COG5: variants seen among roughly 807,000 people sequenced by gnomAD.
COG5 encodes component of oligomeric golgi complex 5.
Under a neutral mutation model 110.4 loss-of-function variants are expected in COG5, and 86 were observed. The ratio of observed to expected loss-of-function variants is 0.78; its 90% CI spans 0.65 to 0.93. COG5 has a LOEUF of 0.93. COG5 is among the 40% of genes least tolerant of loss of function. COG5 has a pLI of 0.00. For synonymous variants in COG5, 360 were observed against 334.6 expected (o/e 1.08, Z -0.83); for missense variants, 1,077 against 987.0 (o/e 1.09, Z -1.22).
chr7:107,424,960 T>A (rs941027193), intron 6 of COG5, among the ~76,000 whole-genome samples: 1 of 152,122 alleles, frequency 6.6e-6, no homozygotes, highest in Non-Finnish European at 1.5e-5. Context: ...CTTAAGGGAA[T>A]CCTAGGGTAA....
intron 8 of COG5, among the ~76,000 whole-genome samples, chr7:107,365,067 T>C (rs1813479906): frequency 6.6e-6 from 1 of 152,120 alleles, no homozygotes; most frequent in African/African-American, 2.4e-5. Context: ...TCCTGGAATA[T>C]GTATGACTTG....
At chr7:107,485,054 T>C (rs778987767) in intron 6 of COG5, among the ~76,000 whole-genome samples, 1 of 152,198 alleles carries the variant, frequency 6.6e-6, no homozygotes, top group Non-Finnish European at 1.5e-5. Flanking sequence ...AAATGGAGCA[T>C]GGACTGATAA....
intron 12 of COG5, among the ~76,000 whole-genome samples, chr7:107,290,005 T>C (rs1056710804): frequency 2.6e-5 from 4 of 152,200 alleles, no homozygotes; most frequent in African/African-American, 9.6e-5. Context: ...TCCCTCACCC[T>C]GATCCTGTAA....
At chr7:107,554,405 T>G in intron 2 of COG5, 63 bp from the exon 3 acceptor site, 1 of 1,356,800 alleles carries the variant, frequency 7.4e-7, no homozygotes, top group Non-Finnish European at 1.1e-6. Flanking sequence ...GTAACCACAA[T>G]GTAGAATGGA....
chr7:107,509,912 A>C (rs1241749333), intron 6 of COG5, among the ~76,000 whole-genome samples: 5 of 152,222 alleles, frequency 3.3e-5, no homozygotes, highest in Non-Finnish European at 7.3e-5. Flanking sequence ...CTAAACATGG[A>C]AAGGAACAAC....
chr7:107,489,606 C>A (rs1315489025), intron 6 of COG5, among the ~76,000 whole-genome samples: 2 of 152,102 alleles, frequency 1.3e-5, no homozygotes, highest in Non-Finnish European at 2.9e-5. Context: ...AGAAAAAAAT[C>A]TATGTTTAGT....
chr7:107,407,336 C>T (rs888951028), intron 7 of COG5, among the ~76,000 whole-genome samples: 1 of 152,126 alleles, frequency 6.6e-6, no homozygotes, highest in Non-Finnish European at 1.5e-5. Flanking sequence ...GAGCCGAGAT[C>T]GTGCCGCTGC....
intron 6 of COG5, among the ~76,000 whole-genome samples, chr7:107,415,798 ATGTG>A (rs753867030): frequency 9.8e-6 from 1 of 102,050 alleles, no homozygotes; most frequent in Non-Finnish European, 1.9e-5. Context: ...GTATGTATGT[ATGTG>A]TGTATATATA....
chr7:107,482,392 C>T (rs770736192), intron 6 of COG5, among the ~76,000 whole-genome samples: 5 of 151,970 alleles, frequency 3.3e-5, no homozygotes, highest in African/African-American at 4.8e-5. Context: ...GCAATCCTCC[C>T]GCCTTGGCCT....
chr7:107,372,362 T>C (rs536615020), intron 8 of COG5, among the ~76,000 whole-genome samples: 2 of 152,326 alleles, frequency 1.3e-5, no homozygotes, highest in East Asian at 1.9e-4. Flanking sequence ...CAAATGACGC[T>C]ACAGTTTATG....
chr7:107,247,582 A>G (rs1473997675), intron 17 of COG5, among the ~76,000 whole-genome samples: 1 of 152,208 alleles, frequency 6.6e-6, no homozygotes, highest in Non-Finnish European at 1.5e-5. Flanking sequence ...ACATATCTAC[A>G]TATTAATATT....
chr7:107,406,702 T>C lies in COG5; in HGVS notation c.669+5800A>G, dbSNP rs551381287. Among the ~76,000 whole-genome samples, 5 of 152,308 alleles carry C rather than the reference T, an allele frequency of 3.3e-5. No homozygotes were observed. The South Asian group carries it at 8.3e-4, about 25-fold the overall frequency. The stretch of plus-strand genomic sequence containing the variant: ...GACATGTTAAATTTATCCAACCCTA[T>C]TGAAGATAATATTTTGGTTTCAAAA... On this transcript the variant is annotated intron_variant, in intron 7 of 21. Transcript: ENST00000297135.
Position 107,314,582 on chromosome 7 carries a change from C to CAAA in COG5, c.1108+9855_1108+9857dup, listed in dbSNP as rs764317288. Among the ~76,000 whole-genome samples the CAAA allele has an allele frequency of 7.9e-3, 421 of 52,972 alleles. 4 individuals carry two copies. The highest frequency in any genetic ancestry group is 0.019 in the Middle Eastern group (2 of 108). 34.8% of individuals were successfully genotyped at this position (52,972 alleles called of 152,430 possible). A position where few individuals can be genotyped will look rare whatever the true frequency, so the allele number is the denominator to read the frequency against. Reference sequence around the variant, plus strand: ...ACACGGTGAAACCCCATCTCTACTACAAAAAAAAAAAAAAAAAAAAAGCCA... The same window carrying CAAA: ...ACACGGTGAAACCCCATCTCTACTACAAAAAAAAAAAAAAAAAAAAAAAAGCCA... On this transcript the variant is annotated intron_variant, in intron 11 of 21. Coordinates refer to ENST00000297135, the MANE Select transcript of COG5 (RefSeq NM_006348.5).
intron 5 of COG5, among the ~76,000 whole-genome samples, chr7:107,541,023 T>TG (rs1432556774): frequency 1.3e-5 from 2 of 151,820 alleles, no homozygotes; most frequent in Non-Finnish European, 2.9e-5. Context: ...TTGTGGCACA[T>TG]GCCTGTAATC....
At chr7:107,469,592 C>T (rs1163735447) in intron 6 of COG5, among the ~76,000 whole-genome samples, 2 of 152,090 alleles carry the variant, frequency 1.3e-5, no homozygotes, top group East Asian at 1.9e-4. Flanking sequence ...GAGAAGATGA[C>T]TTGAATACAA....
At chr7:107,430,912 G>A (rs1793984355) in intron 6 of COG5, among the ~76,000 whole-genome samples, 1 of 152,034 alleles carries the variant, frequency 6.6e-6, no homozygotes, top group African/African-American at 2.4e-5. Context: ...TACAGAAGAA[G>A]GCACTGTGAG....
At chr7:107,414,116 T>C (rs1245950317) in intron 6 of COG5, among the ~76,000 whole-genome samples, 2 of 152,198 alleles carry the variant, frequency 1.3e-5, no homozygotes, top group African/African-American at 4.8e-5. Flanking sequence ...ATATAACTGT[T>C]CAAAAAATTT....
At chr7:107,503,915 T>C (rs1293294870) in intron 6 of COG5, among the ~76,000 whole-genome samples, 4 of 151,910 alleles carry the variant, frequency 2.6e-5, no homozygotes, top group African/African-American at 9.7e-5. Flanking sequence ...GTTTTTCATG[T>C]ATACAATCAC....
chr7:107,451,651 C>T (rs1795348313), intron 6 of COG5, among the ~76,000 whole-genome samples: 1 of 152,138 alleles, frequency 6.6e-6, no homozygotes, highest in Non-Finnish European at 1.5e-5. Flanking sequence ...TCCTACTCCT[C>T]AGCCGACTCA....
Sources: gnomAD v4.1 joint callset for allele counts (sites outside exome capture counted in the v4.1 genomes callset) on GRCh38, gnomAD v4.1.1 for gene constraint, MANE v1.5 for transcripts, NCBI Gene and HGNC (gene_info 2026-07-23, HGNC 2026-07-21) for gene names.